Variants in ITSN2 observed in about 807,000 individuals in gnomAD.
The protein encoded by ITSN2 is intersectin-2.
ITSN2 carries 156 observed loss-of-function variants against 243.7 expected under a neutral mutation model. That is an observed-to-expected ratio of 0.64 (90% CI 0.56 to 0.73). The LOEUF is 0.73. Among genes scored for constraint, ITSN2 ranks in the 30% least tolerant of loss-of-function variants. The pLI is 0.00. For synonymous variants in ITSN2, 703 were observed against 699.9 expected, an observed-to-expected ratio of 1.00 and a Z score of -0.07; for missense variants, 1,801 against 1,996.1, an observed-to-expected ratio of 0.90 and a Z score of 1.86.
chr2:24,337,325 T>TATATACATATATATATATAC (rs1386839125), intron 1 of ITSN2, among the ~76,000 whole-genome samples: 4 of 94,470 alleles, frequency 4.2e-5, no homozygotes, highest in African/African-American at 8.7e-5. Context: ...AATATATATA[T>TATATACATATATATATATAC]ATATATATAT....
Position 24,301,234 on chromosome 2 carries a change from C to G in ITSN2, c.1001G>C (p.Gly334Ala). 6.2e-7 allele frequency: 1 copy of G among 1,601,266 alleles called. No individual in the cohort carries two copies. The highest frequency in any genetic ancestry group is 8.5e-7 in the Non-Finnish European group (1 of 1,171,614). Residue 334 changes from glycine to alanine, a missense_variant, in exon 11 of 40, where the codon GGA becomes GCA. Physicochemically the swap from Gly to Ala is moderately conservative, Grantham distance 60 (BLOSUM62 0). Coordinates refer to ENST00000355123, the MANE Select transcript of ITSN2 (RefSeq NM_006277.3). Reference sequence around the variant, plus strand: ...TCCATTAATGGAATCAATTTGCTTTCCTCCTCTAAAAAAATCAAACAACAA... The same window carrying G: ...TCCATTAATGGAATCAATTTGCTTTGCTCCTCTAAAAAAATCAAACAACAA... ...PELVPPSFRG[G>A]KQIDSINGTL...
At chr2:24,235,982 G>C (rs977091171) in intron 29 of ITSN2, among the ~76,000 whole-genome samples, 1 of 152,122 alleles carries the variant, frequency 6.6e-6, no homozygotes, top group African/African-American at 2.4e-5. Context: ...TTTGACCTGG[G>C]AATTCTACTC....
At chr2:24,286,857 G>A (rs879642697) in intron 15 of ITSN2, among the ~76,000 whole-genome samples, 2 of 151,994 alleles carry the variant, frequency 1.3e-5, no homozygotes, top group Non-Finnish European at 2.9e-5. Context: ...TATTTTAGGA[G>A]GTAAGAACAG....
intron 8 of ITSN2, among the ~76,000 whole-genome samples, chr2:24,308,353 T>C (rs1283411206): frequency 6.6e-6 from 1 of 152,216 alleles, no homozygotes; most frequent in African/African-American, 2.4e-5. Flanking sequence ...GGTCTGATCT[T>C]AAGGGACAGG....
intron 29 of ITSN2, among the ~76,000 whole-genome samples, chr2:24,227,135 C>CA (rs972027725): frequency 5.4e-4 from 82 of 151,692 alleles, no homozygotes; most frequent in South Asian, 1.0e-3. Flanking sequence ...AAAAGAAAAA[C>CA]AAAAAACAAC....
intron 29 of ITSN2, among the ~76,000 whole-genome samples, chr2:24,227,486 G>C (rs1671161829): frequency 6.6e-6 from 1 of 152,044 alleles, no homozygotes. Flanking sequence ...AGAATAAGGA[G>C]AGTTGAAAAA....
chr2:24,299,801 G>T, intron 12 of ITSN2, 108 bp downstream of exon 12: 2 of 906,298 alleles, frequency 2.2e-6, no homozygotes, highest in Non-Finnish European at 3.3e-6. Context: ...ATGATGCAGA[G>T]CAAAAGGCAA....
chr2:24,203,858 T>C (rs570232317), intron 39 of ITSN2, 75 bp from the exon 40 acceptor site: 23 of 1,453,702 alleles, frequency 1.6e-5, no homozygotes, highest in Admixed American at 1.5e-4. Flanking sequence ...CCGGAAGAAG[T>C]GGATTCATAA....
At chr2:24,257,393 A>G (rs1406962292) in intron 23 of ITSN2, among the ~76,000 whole-genome samples, 1 of 152,138 alleles carries the variant, frequency 6.6e-6, no homozygotes, top group African/African-American at 2.4e-5. Flanking sequence ...AACTAGAATG[A>G]AAGATATTCT....
At chr2:24,241,709 T>TAAGAGCTC (rs1672751600) in intron 29 of ITSN2, 1 of 152,588 alleles carries the variant, frequency 6.6e-6, no homozygotes, top group Non-Finnish European at 1.5e-5. Flanking sequence ...TTGAGCTAAT[T>TAAGAGCTC]AAGAGCTCAC....
intron 32 of ITSN2, among the ~76,000 whole-genome samples, chr2:24,213,719 A>T (rs1288760833): frequency 6.6e-6 from 1 of 152,130 alleles, no homozygotes; most frequent in Non-Finnish European, 1.5e-5. Flanking sequence ...TTACATCATT[A>T]TTTTAAAACA....
chr2:24,238,860 A>C (rs898484470), intron 29 of ITSN2: 44 of 152,336 alleles, frequency 2.9e-4, no homozygotes, highest in African/African-American at 9.6e-4. Flanking sequence ...AAAGACATTT[A>C]ATCATGACTA....
chr2:24,271,261 G>T (rs1677307148), intron 19 of ITSN2, among the ~76,000 whole-genome samples: 1 of 152,072 alleles, frequency 6.6e-6, no homozygotes, highest in South Asian at 2.1e-4. Context: ...CAAATATACT[G>T]AATTTGATAA....
At position 24,257,910 on chromosome 2, in the gene ITSN2, C is replaced by A. The variant is rs1255887438; in HGVS notation, c.2866G>T (p.Gly956Trp). 3 of 1,613,716 alleles carry A rather than the reference C, an allele frequency of 1.9e-6. No homozygotes were observed. The African/African-American group carries it at 4.0e-5, about 22-fold the overall frequency. The change falls in exon 23 of 40, where the codon GGG becomes TGG. Residue 956 changes from glycine to tryptophan, a missense_variant. Coordinates refer to ENST00000355123, the MANE Select transcript of ITSN2 (RefSeq NM_006277.3). The part of the protein sequence containing the change: ...FPKSYVKIIP[G>W]SEVKREEPEA... ...TACTCTTCCCGTTTTACTTCACTCC[C>A]AGGAATGATCTTGACATAAGATTTG... is the stretch of plus-strand genomic sequence containing the variant.
chr2:24,259,970 G>A (rs1459775590), intron 22 of ITSN2, among the ~76,000 whole-genome samples: 1 of 152,168 alleles, frequency 6.6e-6, no homozygotes, highest in Admixed American at 6.5e-5. Context: ...TGCCCAGGCT[G>A]GAGTACAGTG....
rs541328168 is a variant in ITSN2, at chr2:24,251,193, C to T, written c.3120+1152G>A. Among the ~76,000 whole-genome samples the T allele has an allele frequency of 6.1e-5, 9 of 148,562 alleles. No individual in the cohort carries two copies. The South Asian group carries it at 8.6e-4, about 14-fold the overall frequency. ...TACAAAAATTAGCCAGGCATGGTAG[C>T]GGATGGCTGTAATCCCAGCTATTCA... On this transcript the variant is annotated intron_variant, in intron 25 of 39. Coordinates refer to ENST00000355123, the MANE Select transcript of ITSN2 (RefSeq NM_006277.3).
chr2:24,252,221 C>A, intron 25 of ITSN2, 124 bp downstream of exon 25: 1 of 735,248 alleles, frequency 1.4e-6, no homozygotes, highest in South Asian at 2.0e-5. Flanking sequence ...TGATCAAAAC[C>A]ATAAACATGA....
intron 1 of ITSN2, among the ~76,000 whole-genome samples, chr2:24,344,606 G>A (rs1687348750): frequency 1.3e-5 from 2 of 152,130 alleles, no homozygotes; most frequent in Non-Finnish European, 2.9e-5. Context: ...CAATGGAAAT[G>A]CAACACAAAC....
At chr2:24,257,830 G>A (rs1675260308) in intron 23 of ITSN2, 58 bp downstream of exon 23, 1 of 1,247,684 alleles carries the variant, frequency 8.0e-7, no homozygotes, top group Non-Finnish European at 1.2e-6. Flanking sequence ...GACCATGGCT[G>A]ACTCATTAGT....
Sources: gnomAD v4.1 joint callset for allele counts (sites outside exome capture counted in the v4.1 genomes callset) on GRCh38, gnomAD v4.1.1 for gene constraint, MANE v1.5 for transcripts, NCBI Gene and HGNC (gene_info 2026-07-23, HGNC 2026-07-21) for gene names.